LOXL4: variants seen among roughly 807,000 people sequenced by gnomAD.
LOXL4 encodes the protein lysyl oxidase homolog 4.
LOXL4 carries 72 observed loss-of-function variants against 89.1 expected under a neutral mutation model. The ratio of observed to expected loss-of-function variants is 0.81; its 90% CI spans 0.67 to 0.98. LOXL4 has a LOEUF of 0.98. Among genes scored for constraint, LOXL4 ranks in the 50% least tolerant of loss-of-function variants. The probability of loss-of-function intolerance (pLI) is 0.00; values close to 1 mark genes in which losing one functional copy is unlikely to be tolerated. For missense variants in LOXL4, 984 were observed against 1,017.5 expected, an observed-to-expected ratio of 0.97 and a Z score of 0.45; for synonymous variants, 355 against 392.1, an observed-to-expected ratio of 0.91 and a Z score of 1.12.
rs376446299 is a variant in LOXL4 at position 98,265,642 on chromosome 10, C to T, written c.-33+2490G>A. Among the ~76,000 whole-genome samples the T allele has an allele frequency of 2.2e-4, 16 of 72,114 alleles. 3 individuals carry two copies. Among genetic ancestry groups the T allele is most frequent in the African/African-American group, 7.7e-4 (16 of 20,740 alleles). The allele number at this position is 72,114 out of a possible 152,430, so 47.3% of individuals were successfully genotyped here. A position where few individuals can be genotyped will look rare whatever the true frequency, so the allele number is the denominator to read the frequency against. On this transcript the variant is annotated intron_variant, in intron 1 of 14. Coordinates refer to ENST00000260702, the MANE Select transcript of LOXL4 (RefSeq NM_032211.7). Reference sequence around the variant, plus strand: ...TGAACTCCTGACCTCAGGTGATCCACCCGCCTTGGCCTCCCAAAGTGACGG... The same window carrying T: ...TGAACTCCTGACCTCAGGTGATCCATCCGCCTTGGCCTCCCAAAGTGACGG...
At chr10:98,264,551 A>C (rs1022365328) in intron 1 of LOXL4, among the ~76,000 whole-genome samples, 1 of 151,638 alleles carries the variant, frequency 6.6e-6, no homozygotes, top group Non-Finnish European at 1.5e-5. Flanking sequence ...TCAGGCGGTA[A>C]ACAGAGAGGG....
chr10:98,250,292 T>G (rs1301507028), intron 14 of LOXL4, among the ~76,000 whole-genome samples: 1 of 152,232 alleles, frequency 6.6e-6, no homozygotes, highest in Non-Finnish European at 1.5e-5. Flanking sequence ...CTGTCTGTGC[T>G]TGCTCAGCAT....
At chr10:98,251,019 C>T (rs761237350) in intron 14 of LOXL4, 46 bp downstream of exon 14, 1 of 1,390,108 alleles carries the variant, frequency 7.2e-7, no homozygotes, top group South Asian at 1.2e-5. Context: ...AGTGTTCCAG[C>T]TCCCTGAGCC....
Position 98,249,041 on chromosome 10 carries a change from C to T in LOXL4, c.2201-50G>A, listed in dbSNP as rs374214504. On this transcript the variant is annotated intron_variant, in intron 14 of 14. Transcript: ENST00000260702. ...AGTAGCCAACCTTTCCAGTCTCATC[C>T]CTTCCCTGACAACTTACATAGATCC... is the stretch of plus-strand genomic sequence containing the variant. 1.2e-5 allele frequency: 18 copies of T among 1,446,614 alleles called. No homozygotes were observed. The African/African-American group carries it at 2.5e-4, about 20-fold the overall frequency. The allele number at this position is 1,446,614 out of a possible 1,614,324, so 89.6% of individuals were successfully genotyped here. A position where few individuals can be genotyped will look rare whatever the true frequency, so the allele number is the denominator to read the frequency against.
Position 98,263,061 on chromosome 10 carries a change from G to A in LOXL4, c.-32-10C>T, listed in dbSNP as rs180740152. ...GCTGAGGCCAAGATACCTGAGGAATGAGTAAACATGACAGTGATCACCACC... is the reference window on the plus strand; with the variant it reads ...GCTGAGGCCAAGATACCTGAGGAATAAGTAAACATGACAGTGATCACCACC... On this transcript the variant is annotated splice_polypyrimidine_tract_variant and intron_variant, in intron 1 of 14. Transcript: ENST00000260702. 3.6e-4 allele frequency: 579 copies of A among 1,597,342 alleles called. No homozygotes were observed. The highest frequency in any genetic ancestry group is 4.8e-4 in the Non-Finnish European group (566 of 1,168,102).
intron 10 of LOXL4, among the ~76,000 whole-genome samples, chr10:98,254,792 A>G (rs1403549755): frequency 6.6e-6 from 1 of 151,932 alleles, no homozygotes; most frequent in Non-Finnish European, 1.5e-5. Flanking sequence ...GGGGAGGTCC[A>G]CTCTCATGCC....
chr10:98,251,233 CTG>C (rs1157657384), intron 13 of LOXL4, 57 bp from the exon 14 acceptor site: 10 of 1,263,100 alleles, frequency 7.9e-6, no homozygotes, highest in Admixed American at 1.7e-5. Context: ...AATGAGTTGA[CTG>C]TGGCTGTGAT....
In LOXL4 at chr10:98,259,033, T is replaced by C. The variant is rs1434088467; in HGVS notation, c.897A>G (p.Pro299=). Residue 299 remains proline, a synonymous_variant, in exon 6 of 15, where the codon CCA becomes CCG. Transcript: ENST00000260702. ...GPHFRPPKTK[P]QRKGSWAEEP... ...CCTCTGCCCAGGACCCTTTGCGTTG[T>C]GGCTTTGTCTTCGGTGGGCGGAAGT... 3 of 1,556,002 alleles carry C rather than the reference T, an allele frequency of 1.9e-6. No individual in the cohort carries two copies. Among genetic ancestry groups the C allele is most frequent in the South Asian group, 2.4e-5 (2 of 84,612 alleles).
chr10:98,253,476 G>A, intron 11 of LOXL4, 77 bp downstream of exon 11: 1 of 1,595,884 alleles, frequency 6.3e-7, no homozygotes, highest in Non-Finnish European at 8.6e-7. Flanking sequence ...CCTGTGGCCA[G>A]GGAAGGGCCA....
chr10:98,262,318 G>GCCACTTTCTCCCAGGGTTT, intron 2 of LOXL4, 105 bp from the exon 3 acceptor site: 1 of 1,218,390 alleles, frequency 8.2e-7, no homozygotes, highest in Non-Finnish European at 1.2e-6. Context: ...TCCAAACCCT[G>GCCACTTTCTCCCAGGGTTT]GGAGAAAGTG....
intron 10 of LOXL4, among the ~76,000 whole-genome samples, chr10:98,255,343 T>C (rs1858325772): frequency 1.3e-5 from 2 of 152,254 alleles, no homozygotes; most frequent in Admixed American, 1.3e-4. Context: ...CGCCGTTCCG[T>C]GTCCTTGTGC....
chr10:98,263,095 G>C (rs1190763991), intron 1 of LOXL4, 44 bp from the exon 2 acceptor site: 3 of 1,525,732 alleles, frequency 2.0e-6, no homozygotes, highest in Admixed American at 3.6e-5. Context: ...CCTCTACCCA[G>C]ATCTCAGACC....
rs1234702464 is a variant in LOXL4 at position 98,268,126 on chromosome 10, GC to G, written c.-33+5del. The stretch of plus-strand genomic sequence containing the variant: ...GAGGCAGACGCGCGGCCAGGCGGGG[GC>G]TCACCAGATGGAGCGCGGACAGTCC... On this transcript the variant is annotated splice_donor_5th_base_variant and intron_variant, in intron 1 of 14. Coordinates refer to ENST00000260702, the MANE Select transcript of LOXL4 (RefSeq NM_032211.7). 1 of 152,652 alleles carries G rather than the reference GC, an allele frequency of 6.6e-6. No individual in the cohort carries two copies. The highest frequency in any genetic ancestry group is 6.5e-5 in the Admixed American group (1 of 15,298). The allele number at this position is 152,652 out of a possible 1,614,324, so 9.5% of individuals were successfully genotyped here. A position where few individuals can be genotyped will look rare whatever the true frequency, so the allele number is the denominator to read the frequency against.
intron 4 of LOXL4, among the ~76,000 whole-genome samples, chr10:98,259,665 A>G (rs1345387628): frequency 6.6e-6 from 1 of 152,202 alleles, no homozygotes; most frequent in African/African-American, 2.4e-5. Flanking sequence ...GAGTGGGGGC[A>G]GGTGGATCAG....
At chr10:98,254,473 G>A (rs867625302) in intron 10 of LOXL4, among the ~76,000 whole-genome samples, 29 of 152,190 alleles carry the variant, frequency 1.9e-4, no homozygotes, top group African/African-American at 6.8e-4. Flanking sequence ...GGGTCCTGTG[G>A]TATATATTGG....
chr10:98,253,690 G>A lies in LOXL4; in HGVS notation c.1698C>T (p.Ser566=). Residue 566 remains serine (S), a synonymous_variant, in exon 11 of 15, where the codon TCC becomes TCT. Coordinates refer to ENST00000260702, the MANE Select transcript of LOXL4 (RefSeq NM_032211.7). ...GCCAGTCCATGTGATCCGCAGACTT[G>A]GAGAGGCAGTTCTCCTCGTGGGCAC... ...LYCAHEENCL[S]KSADHMDWPY... is the part of the protein sequence containing the mutation. The A allele has an allele frequency of 6.2e-7, 1 of 1,614,250 alleles. No homozygotes were observed. Among genetic ancestry groups the A allele is most frequent in the Non-Finnish European group, 8.5e-7 (1 of 1,180,046 alleles).
intron 11 of LOXL4, 96 bp from the exon 12 acceptor site, chr10:98,252,564 C>A: frequency 1.2e-6 from 1 of 808,850 alleles, no homozygotes. Flanking sequence ...CCCATCATGA[C>A]CCGAGAGGAA....
chr10:98,256,836 C>A lies in LOXL4; in HGVS notation c.1372G>T (p.Glu458Ter). The change falls in exon 9 of 15, where the codon GAA becomes TAA. Residue 458 changes from glutamate (E) to a stop codon, truncating the protein, a stop_gained. Coordinates refer to ENST00000260702, the MANE Select transcript of LOXL4 (RefSeq NM_032211.7). LOFTEE classifies it high-confidence loss of function. ...SVCSENWGLT[E>*]AMVACRQLGL... The stretch of plus-strand genomic sequence containing the variant: ...AGCTGTCGGCAGGCCACCATGGCTT[C>A]GGTGAGCCCCCAGTTTTCACTGCAC... The A allele has an allele frequency of 6.2e-7, 1 of 1,614,178 alleles. No homozygotes were observed. Among genetic ancestry groups the A allele is most frequent in the Non-Finnish European group, 8.5e-7 (1 of 1,180,050 alleles).
At chr10:98,254,690 T>C (rs375561187) in intron 10 of LOXL4, among the ~76,000 whole-genome samples, 61 of 152,250 alleles carry the variant, frequency 4.0e-4, no homozygotes, top group African/African-American at 1.3e-3. Flanking sequence ...GCGCTCCCAC[T>C]GTAGGCAGTG....
Sources: gnomAD v4.1 joint callset for allele counts (sites outside exome capture counted in the v4.1 genomes callset) on GRCh38, gnomAD v4.1.1 for gene constraint, MANE v1.5 for transcripts, NCBI Gene and HGNC (gene_info 2026-07-23, HGNC 2026-07-21) for gene names.